The following USO1 variants were observed in gnomAD, a reference collection of about 807,000 sequenced individuals.
USO1 encodes the protein USO1 vesicle transport factor.
In USO1, 57 loss-of-function variants were observed where a neutral mutation model predicts 124.5. That is an observed-to-expected ratio of 0.46 (90% CI 0.37 to 0.57). The LOEUF (loss-of-function observed/expected upper bound fraction) is 0.57, where lower values mean the gene tolerates loss of function less well. Ranked by LOEUF, USO1 falls within the 20% of genes least tolerant of loss-of-function variation. The pLI, the probability that USO1 is intolerant of heterozygous loss-of-function variation, is 0.00. For missense variants in USO1, 900 were observed against 1,040.6 expected (o/e 0.86, Z 1.86); for synonymous variants, 369 against 362.8 (o/e 1.02, Z -0.19).
intron 6 of USO1, 46 bp from the exon 7 acceptor site, chr4:75,771,036 T>G: frequency 6.3e-7 from 1 of 1,599,022 alleles, no homozygotes; most frequent in Non-Finnish European, 8.5e-7. Flanking sequence ...AGTCACTATT[T>G]GTATTTTTGG....
At chr4:75,758,052 A>T (rs1254051861) in intron 4 of USO1, among the ~76,000 whole-genome samples, 2 of 152,132 alleles carry the variant, frequency 1.3e-5, no homozygotes, top group Admixed American at 1.3e-4. Flanking sequence ...TGTTTGGTGA[A>T]CATTGCTATA....
rs766928472 is a variant in USO1, at chr4:75,813,208, TGAA to T, written c.2808_2810del (p.Glu937del). On this transcript the variant is annotated inframe_deletion, in exon 24 of 24. Coordinates refer to ENST00000514213, the MANE Select transcript of USO1 (RefSeq NM_003715.4). ...TTAAATACGTCTTTTTCCTCTAGGT[TGAA>T]GAAGAGGATGAACTTGAATCTGGAG... 1.2e-6 allele frequency: 2 copies of T among 1,605,066 alleles called. No individual in the cohort carries two copies. Among genetic ancestry groups the T allele is most frequent in the East Asian group, 4.5e-5 (2 of 44,724 alleles).
chr4:75,812,509 A>G (rs1028398447), intron 23 of USO1, 134 bp downstream of exon 23: 2 of 1,145,528 alleles, frequency 1.7e-6, no homozygotes, highest in African/African-American at 3.1e-5. Context: ...ATATGGTACC[A>G]TCTATACTGT....
chr4:75,770,730 TGTAGTTTCTG>T, intron 5 of USO1, 82 bp from the exon 6 acceptor site: 1 of 1,540,892 alleles, frequency 6.5e-7, no homozygotes, highest in Non-Finnish European at 8.7e-7. Flanking sequence ...ATGTTTTACT[TGTAGTTTCTG>T]GTAAAAGTTA....
intron 20 of USO1, among the ~76,000 whole-genome samples, chr4:75,807,342 T>C (rs981516527): frequency 1.3e-4 from 20 of 152,060 alleles, no homozygotes; most frequent in Admixed American, 7.9e-4. Context: ...TTTCCCTCCT[T>C]TCTTTCTTAT....
At chr4:75,741,837 C>T (rs1312512862) in intron 1 of USO1, among the ~76,000 whole-genome samples, 1 of 152,022 alleles carries the variant, frequency 6.6e-6, no homozygotes, top group Non-Finnish European at 1.5e-5. Flanking sequence ...CTCCTGACCT[C>T]AGGTGATTCG....
chr4:75,758,599 T>G (rs1721508332), intron 4 of USO1, among the ~76,000 whole-genome samples: 1 of 152,264 alleles, frequency 6.6e-6, no homozygotes, highest in East Asian at 1.9e-4. Flanking sequence ...AACTTTTATT[T>G]TGGCTGGGTG....
Position 75,790,059 on chromosome 4 carries a change from C to CA in USO1, c.997-81dup, listed in dbSNP as rs199899130. On this transcript the variant is annotated intron_variant, in intron 10 of 23. Transcript: ENST00000514213. ...ACTTAAAGTATAATAAAAAAAAAAACAAAAAAAAAAGATTTTTTTTCTATT... is the reference window on the plus strand; with the variant it reads ...ACTTAAAGTATAATAAAAAAAAAAACAAAAAAAAAAAGATTTTTTTTCTATT... 4,690 of 845,130 alleles carry CA rather than the reference C, an allele frequency of 5.5e-3. 63 individuals are homozygous for CA. In the African/African-American group the frequency reaches 0.064, roughly 11 times the overall value. The allele number at this position is 845,130 out of a possible 1,614,324, so 52.4% of individuals were successfully genotyped here. A position where few individuals can be genotyped will look rare whatever the true frequency, so the allele number is the denominator to read the frequency against.
In USO1 at chr4:75,725,266, AC is replaced by A. The variant is rs1169799010; in HGVS notation, c.66+382del. ...CCCTCTTTCTCTTTCGCTCGTCTGCACTGGCCGAGAGGAGCCTGAAGTCCTG... is the reference window on the plus strand; with the variant it reads ...CCCTCTTTCTCTTTCGCTCGTCTGCATGGCCGAGAGGAGCCTGAAGTCCTG... On this transcript the variant is annotated intron_variant, in intron 1 of 23. Coordinates refer to ENST00000514213, the MANE Select transcript of USO1 (RefSeq NM_003715.4). Among the ~76,000 whole-genome samples, 5 of 152,252 alleles carry A rather than the reference AC, an allele frequency of 3.3e-5. No homozygotes were observed. The East Asian group carries it at 9.7e-4, about 29-fold the overall frequency.
rs769736198 is a variant in USO1, at chr4:75,806,527, A to C, written c.2331A>C (p.Ala777=). 2 of 1,562,148 alleles carry C rather than the reference A, an allele frequency of 1.3e-6. No homozygotes were observed. Among genetic ancestry groups the C allele is most frequent in the Non-Finnish European group, 1.7e-6 (2 of 1,152,052 alleles). The part of the protein sequence containing the change: ...QTSGTNEQSS[A]IVSARDSEQV... ...CTGGCACAAATGAACAGTCTTCAGC[A>C]ATAGTTTCAGCTAGAGATTCTGAAC... Residue 777 remains alanine, a synonymous_variant, in exon 20 of 24, where the codon GCA becomes GCC. Coordinates refer to ENST00000514213, the MANE Select transcript of USO1 (RefSeq NM_003715.4).
At chr4:75,729,038 C>T (rs1185417379) in intron 1 of USO1, among the ~76,000 whole-genome samples, 3 of 152,118 alleles carry the variant, frequency 2.0e-5, no homozygotes, top group Non-Finnish European at 4.4e-5. Flanking sequence ...CTTCGTGATC[C>T]GCCTGCCTTG....
At chr4:75,728,692 T>A (rs909149620) in intron 1 of USO1, among the ~76,000 whole-genome samples, 3 of 152,210 alleles carry the variant, frequency 2.0e-5, no homozygotes, top group African/African-American at 7.2e-5. Flanking sequence ...GTAGTAAATA[T>A]TTTATCATAG....
At chr4:75,796,971 C>T (rs1447382614) in intron 13 of USO1, among the ~76,000 whole-genome samples, 1 of 145,726 alleles carries the variant, frequency 6.9e-6, no homozygotes, top group East Asian at 2.0e-4. Flanking sequence ...ATGGCTTCTG[C>T]ATTTTAAGTC....
chr4:75,777,745 T>G (rs1449705047), intron 8 of USO1, among the ~76,000 whole-genome samples: 3 of 152,226 alleles, frequency 2.0e-5, no homozygotes. Context: ...CTGATGGGAA[T>G]GCAAAATGGT....
At chr4:75,773,968 C>G (rs1007889154) in intron 7 of USO1, among the ~76,000 whole-genome samples, 4 of 151,828 alleles carry the variant, frequency 2.6e-5, no homozygotes, top group African/African-American at 9.7e-5. Context: ...TTATTTAATA[C>G]TTAGGGACTC....
rs1459872910 is a variant in USO1, at chr4:75,813,187, A to G, written c.2800-19A>G. 1.9e-6 allele frequency: 3 copies of G among 1,595,626 alleles called. No homozygotes were observed. Among genetic ancestry groups the G allele is most frequent in the African/African-American group, 2.7e-5 (2 of 73,568 alleles). ...CATGAACAGATTTTCACAATATTAA[A>G]TACGTCTTTTTCCTCTAGGTTGAAG... is the stretch of plus-strand genomic sequence containing the variant. On this transcript the variant is annotated intron_variant, in intron 23 of 23. Coordinates refer to ENST00000514213, the MANE Select transcript of USO1 (RefSeq NM_003715.4).
chr4:75,737,977 G>A (rs945242378), intron 1 of USO1, among the ~76,000 whole-genome samples: 10 of 151,500 alleles, frequency 6.6e-5, no homozygotes, highest in African/African-American at 2.4e-4. Flanking sequence ...ACGGGCATGT[G>A]CCATCACACC....
intron 1 of USO1, among the ~76,000 whole-genome samples, chr4:75,725,525 A>G (rs919819914): frequency 2.0e-5 from 3 of 151,904 alleles, no homozygotes; most frequent in African/African-American, 7.3e-5. Context: ...GCTACCTTGA[A>G]CGTAGTAGGG....
intron 20 of USO1, among the ~76,000 whole-genome samples, chr4:75,808,692 A>G (rs1320181479): frequency 4.2e-5 from 6 of 143,084 alleles, no homozygotes; most frequent in Non-Finnish European, 7.6e-5. Flanking sequence ...TCTCCCTCCC[A>G]TCCTTCCTTT....
Sources: gnomAD v4.1 joint callset for allele counts (sites outside exome capture counted in the v4.1 genomes callset) on GRCh38, gnomAD v4.1.1 for gene constraint, MANE v1.5 for transcripts, NCBI Gene and HGNC (gene_info 2026-07-23, HGNC 2026-07-21) for gene names.